The following BMPR1A variants were observed in gnomAD, a reference collection of about 807,000 sequenced individuals.
BMPR1A encodes the protein bone morphogenetic protein receptor type 1A.
BMPR1A carries 7 observed loss-of-function variants against 66.0 expected under a neutral mutation model. The ratio of observed to expected loss-of-function variants is 0.11; its 90% CI spans 0.06 to 0.20. BMPR1A has a LOEUF of 0.20. BMPR1A is among the 10% of genes least tolerant of loss of function. The probability of loss-of-function intolerance (pLI) is 1.00; values close to 1 mark genes in which losing one functional copy is unlikely to be tolerated. For synonymous variants in BMPR1A, 200 were observed against 229.7 expected (o/e 0.87, Z 1.17); for missense variants, 408 against 669.1 (o/e 0.61, Z 4.31).
At chr10:86,910,696 T>A (rs923311159) in intron 7 of BMPR1A, among the ~76,000 whole-genome samples, 2 of 152,208 alleles carry the variant, frequency 1.3e-5, no homozygotes, top group African/African-American at 4.8e-5. Context: ...AAAAATAAAA[T>A]TATAATGGTT....
chr10:86,772,466 T>C (rs1341576467), intron 1 of BMPR1A, among the ~76,000 whole-genome samples: 2 of 152,112 alleles, frequency 1.3e-5, no homozygotes, highest in African/African-American at 4.8e-5. Context: ...ACCATGAGTA[T>C]TACTCTTAAA....
Position 86,865,459 on chromosome 10 carries a change from C to G in BMPR1A, c.-152-10408C>G, listed in dbSNP as rs1273877525. Among the ~76,000 whole-genome samples the G allele has an allele frequency of 1.4e-4, 21 of 152,118 alleles. 1 individual carries two copies. Among genetic ancestry groups the G allele is most frequent in the Admixed American group, 1.4e-3 (21 of 15,268 alleles). On this transcript the variant is annotated intron_variant, in intron 2 of 12. Transcript: ENST00000372037. ...TTGACTGTAATTTTCCTTTATCTAC[C>G]CAAATCCTATAAAACGGCCCCACCC... is the stretch of plus-strand genomic sequence containing the variant.
At chr10:86,796,585 T>C (rs1841713827) in intron 1 of BMPR1A, among the ~76,000 whole-genome samples, 1 of 151,892 alleles carries the variant, frequency 6.6e-6, no homozygotes, top group Admixed American at 6.6e-5. Flanking sequence ...TTTCTTCTTT[T>C]TTGTTTTTTG....
chr10:86,907,942 T>C (rs542666234), intron 7 of BMPR1A, among the ~76,000 whole-genome samples: 24 of 152,344 alleles, frequency 1.6e-4, no homozygotes, highest in South Asian at 1.4e-3. Context: ...GTTAGTAATT[T>C]ATTGTGTATT....
At chr10:86,794,767 C>T (rs1841680018) in intron 1 of BMPR1A, among the ~76,000 whole-genome samples, 1 of 151,552 alleles carries the variant, frequency 6.6e-6, no homozygotes, top group Non-Finnish European at 1.5e-5. Flanking sequence ...AAAGTAATGA[C>T]TTCTGTGATT....
chr10:86,762,483 C>G (rs1035650700), intron 1 of BMPR1A, among the ~76,000 whole-genome samples: 4 of 152,040 alleles, frequency 2.6e-5, no homozygotes, highest in African/African-American at 7.2e-5. Context: ...CTCAGCTTCC[C>G]GAGTAGCTGG....
intron 1 of BMPR1A, among the ~76,000 whole-genome samples, chr10:86,801,859 C>T (rs1159392938): frequency 6.6e-6 from 1 of 151,936 alleles, no homozygotes; most frequent in Non-Finnish European, 1.5e-5. Context: ...ACTACAGGCA[C>T]CCGCCACCAT....
chr10:86,883,871 C>CTT (rs111255462), intron 3 of BMPR1A, among the ~76,000 whole-genome samples: 3 of 135,270 alleles, frequency 2.2e-5, no homozygotes, highest in Admixed American at 7.3e-5. Context: ...GAGCGTATGA[C>CTT]TTTTTTTTTT....
intron 5 of BMPR1A, among the ~76,000 whole-genome samples, chr10:86,899,546 A>C (rs886822231): frequency 1.4e-4 from 22 of 152,328 alleles, no homozygotes; most frequent in African/African-American, 5.1e-4. Flanking sequence ...TAATTACCTA[A>C]GTTCGGGTTT....
In BMPR1A at chr10:86,880,100, T is replaced by G. The variant is rs1243403080; in HGVS notation, c.67+4015T>G. ...ATGGAGGTCTGATTACTGGAAATTG[T>G]CCTATGGATTGAAAACTCACAGCCT... On this transcript the variant is annotated intron_variant, in intron 3 of 12. Coordinates refer to ENST00000372037, the MANE Select transcript of BMPR1A (RefSeq NM_004329.3). Among the ~76,000 whole-genome samples the G allele has an allele frequency of 1.2e-4, 19 of 152,188 alleles. 1 individual carries two copies.
At chr10:86,874,179 T>G (rs773773278) in intron 2 of BMPR1A, among the ~76,000 whole-genome samples, 5 of 152,200 alleles carry the variant, frequency 3.3e-5, no homozygotes, top group Non-Finnish European at 7.3e-5. Flanking sequence ...ATGATATATA[T>G]CTTGATACTA....
chr10:86,931,820 C>A (rs1843813484), downstream of BMPR1A: 1 of 152,024 alleles, frequency 6.6e-6, no homozygotes, highest in African/African-American at 2.4e-5. Flanking sequence ...CCCATTATTT[C>A]TTTTGTTTCT....
intron 1 of BMPR1A, among the ~76,000 whole-genome samples, chr10:86,820,329 C>T (rs895400304): frequency 6.6e-6 from 1 of 152,032 alleles, no homozygotes; most frequent in African/African-American, 2.4e-5. Flanking sequence ...AGGCATGAGC[C>T]ACTGCACCCA....
chr10:86,830,035 A>G (rs907208239), intron 1 of BMPR1A, among the ~76,000 whole-genome samples: 1 of 151,846 alleles, frequency 6.6e-6, no homozygotes, highest in Non-Finnish European at 1.5e-5. Context: ...GTGGGTGGGG[A>G]GAGAGCGTGG....
intron 1 of BMPR1A, among the ~76,000 whole-genome samples, chr10:86,778,117 T>C (rs1841381859): frequency 6.6e-6 from 1 of 152,116 alleles, no homozygotes; most frequent in Non-Finnish European, 1.5e-5. Context: ...ATACATATAA[T>C]GCATGACAGG....
chr10:86,923,133 A>C (rs1843691581), intron 11 of BMPR1A, among the ~76,000 whole-genome samples: 1 of 151,542 alleles, frequency 6.6e-6, no homozygotes, highest in Non-Finnish European at 1.5e-5. Flanking sequence ...AGGAAGATTG[A>C]TATGCCCTTT....
At chr10:86,804,301 C>T (rs960942449) in intron 1 of BMPR1A, among the ~76,000 whole-genome samples, 2 of 152,124 alleles carry the variant, frequency 1.3e-5, no homozygotes, top group South Asian at 2.1e-4. Flanking sequence ...AGTGCAGTGG[C>T]GCGATCCTGG....
At position 86,927,050 on chromosome 10, in the gene BMPR1A, A is replaced by C. The variant is rs547232797; in HGVS notation, c.*3331A>C. The stretch of plus-strand genomic sequence containing the variant: ...TTTTTACATTGCCTTTCCAGTGTCC[A>C]GAAGTGTTTCTAAACTTAGAAAGTG... On this transcript the variant is annotated 3_prime_UTR_variant, in exon 13 of 13. Coordinates refer to ENST00000372037, the MANE Select transcript of BMPR1A (RefSeq NM_004329.3). 1 of 187,208 alleles carries C rather than the reference A, an allele frequency of 5.3e-6. No individual in the cohort carries two copies. The highest frequency in any genetic ancestry group is 1.1e-5 in the Non-Finnish European group (1 of 88,778). 11.6% of individuals were successfully genotyped at this position (187,208 alleles called of 1,614,324 possible). A position where few individuals can be genotyped will look rare whatever the true frequency, so the allele number is the denominator to read the frequency against.
chr10:86,847,856 T>G (rs949495046), intron 2 of BMPR1A, among the ~76,000 whole-genome samples: 1 of 152,022 alleles, frequency 6.6e-6, no homozygotes, highest in Non-Finnish European at 1.5e-5. Flanking sequence ...GACCTCTGTT[T>G]CTTAGGTTAT....
Sources: allele counts gnomAD v4.1 joint callset (sites outside exome capture counted in the v4.1 genomes callset), GRCh38; gene constraint gnomAD v4.1.1; transcripts MANE v1.5; gene names NCBI Gene and HGNC (gene_info 2026-07-23, HGNC 2026-07-21).